The following MECOM variants were observed in gnomAD, a reference collection of about 807,000 sequenced individuals.
MECOM encodes MDS1 and EVI1 complex locus.
In MECOM, 13 loss-of-function variants were observed where a neutral mutation model predicts 116.3. The observed-to-expected ratio is 0.11, with a 90% CI of 0.07 to 0.18. The LOEUF is 0.18. Among genes scored for constraint, MECOM ranks in the 10% least tolerant of loss-of-function variants. The probability of loss-of-function intolerance (pLI) is 1.00; values close to 1 mark genes in which losing one functional copy is unlikely to be tolerated. For synonymous variants in MECOM, 528 were observed against 535.2 expected, an observed-to-expected ratio of 0.99 and a Z score of 0.19; for missense variants, 1,299 against 1,509.0, an observed-to-expected ratio of 0.86 and a Z score of 2.31.
At chr3:169,616,536 T>G (rs1274674674) in intron 1 of MECOM, among the ~76,000 whole-genome samples, 1 of 152,124 alleles carries the variant, frequency 6.6e-6, no homozygotes, top group African/African-American at 2.4e-5. Context: ...TTAGTAGAGA[T>G]GCCATGTTGG....
At chr3:169,302,630 C>T (rs1450516794) in intron 2 of MECOM, among the ~76,000 whole-genome samples, 1 of 151,922 alleles carries the variant, frequency 6.6e-6, no homozygotes, top group East Asian at 1.9e-4. Context: ...TTTGGGAGGC[C>T]GAGGCCGGTG....
intron 1 of MECOM, among the ~76,000 whole-genome samples, chr3:169,584,805 T>C (rs932828314): frequency 1.3e-5 from 2 of 152,120 alleles, no homozygotes; most frequent in Non-Finnish European, 2.9e-5. Context: ...TATAAAGTGG[T>C]CCACGCTGCC....
rs531815350 is a variant in MECOM, at chr3:169,209,657, T to C, written c.376-65825A>G. 4.6e-5 allele frequency among the ~76,000 whole-genome samples: 7 copies of C among 152,172 alleles called. No individual in the cohort carries two copies. In the South Asian group the frequency reaches 1.2e-3, roughly 27 times the overall value. On this transcript the variant is annotated intron_variant, in intron 2 of 16. Transcript: ENST00000651503. ...TTCAAATCAAAACCACAATGAGATA[T>C]TGTCTCCCGCCAGTCAGAATGGCAA...
chr3:169,367,849 T>A (rs1729448600), intron 2 of MECOM, among the ~76,000 whole-genome samples: 1 of 152,060 alleles, frequency 6.6e-6, no homozygotes, highest in South Asian at 2.1e-4. Context: ...TTCCTAGGCA[T>A]GTATATTCCT....
intron 1 of MECOM, among the ~76,000 whole-genome samples, chr3:169,433,666 AAAGAAAG>A (rs1156746172): frequency 8.3e-4 from 119 of 142,898 alleles, no homozygotes; most frequent in African/African-American, 2.9e-3. Context: ...AGAAAGAAAG[AAAGAAAG>A]AAAGAAAGAA....
intron 2 of MECOM, among the ~76,000 whole-genome samples, chr3:169,161,729 G>T (rs1742870524): frequency 1.3e-5 from 2 of 152,252 alleles, no homozygotes; most frequent in South Asian, 4.1e-4. Context: ...TAAACAGAAT[G>T]AGGAGAAAGG....
intron 2 of MECOM, among the ~76,000 whole-genome samples, chr3:169,266,018 C>T (rs1758254389): frequency 6.6e-6 from 1 of 152,108 alleles, no homozygotes; most frequent in Non-Finnish European, 1.5e-5. Flanking sequence ...TGAATCCTGT[C>T]AAGAACAAAA....
intron 1 of MECOM, among the ~76,000 whole-genome samples, chr3:169,486,778 G>C (rs1489028571): frequency 6.6e-6 from 1 of 151,994 alleles, no homozygotes; most frequent in Non-Finnish European, 1.5e-5. Flanking sequence ...CTAAATGTAG[G>C]CTCTACAAGA....
chr3:169,470,742 A>C (rs968599544), intron 1 of MECOM, among the ~76,000 whole-genome samples: 20 of 152,188 alleles, frequency 1.3e-4, no homozygotes, highest in Admixed American at 6.5e-4. Flanking sequence ...CCAGAGTATA[A>C]GTTATGAGGA....
chr3:169,488,994 T>C (rs961705594), intron 1 of MECOM, among the ~76,000 whole-genome samples: 1 of 152,088 alleles, frequency 6.6e-6, no homozygotes, highest in East Asian at 1.9e-4. Context: ...AATTTTGGCA[T>C]CTGAATTAAT....
intron 1 of MECOM, among the ~76,000 whole-genome samples, chr3:169,644,279 C>T (rs1468596413): frequency 6.7e-6 from 1 of 149,758 alleles, no homozygotes; most frequent in Non-Finnish European, 1.5e-5. Flanking sequence ...TTTATTGAGA[C>T]AGGGTCTCAC....
chr3:169,099,721 A>G (rs1378832988), intron 12 of MECOM, among the ~76,000 whole-genome samples: 1 of 152,198 alleles, frequency 6.6e-6, no homozygotes, highest in African/African-American at 2.4e-5. Flanking sequence ...ATTTCAAAGG[A>G]GAATGACATT....
chr3:169,154,216 A>G (rs936930481), intron 2 of MECOM, among the ~76,000 whole-genome samples: 5 of 152,074 alleles, frequency 3.3e-5, no homozygotes, highest in Non-Finnish European at 7.4e-5. Context: ...AGCCCTAAAA[A>G]CGAGGGTAGG....
rs533458308 is a variant in MECOM, at chr3:169,460,347, G to T, written c.38-78823C>A. Among the ~76,000 whole-genome samples the T allele has an allele frequency of 2.0e-5, 3 of 152,060 alleles. No homozygotes were observed. In the East Asian group the frequency reaches 5.8e-4, roughly 29 times the overall value. On this transcript the variant is annotated intron_variant, in intron 1 of 16. Transcript: ENST00000651503. ...TGTGAATTCTTAAAAAGTCAGTTTGGATTGCTGCCTAACTTACAGAACATT... is the reference window on the plus strand; with the variant it reads ...TGTGAATTCTTAAAAAGTCAGTTTGTATTGCTGCCTAACTTACAGAACATT...
intron 2 of MECOM, among the ~76,000 whole-genome samples, chr3:169,191,728 G>GAA (rs1356109784): frequency 2.9e-5 from 1 of 34,106 alleles, no homozygotes; most frequent in Non-Finnish European, 8.3e-5. Flanking sequence ...AAAAAAGAAA[G>GAA]AAAGAAAGAA....
chr3:169,388,181 T>G (rs531504214), intron 1 of MECOM, among the ~76,000 whole-genome samples: 144 of 152,256 alleles, frequency 9.5e-4, no homozygotes, highest in African/African-American at 3.4e-3. Flanking sequence ...GTCCATGAGC[T>G]GATGCCTGCT....
At position 169,147,560 on chromosome 3, in the gene MECOM, C is replaced by T. The variant is rs1054042284; in HGVS notation, c.376-3728G>A. 1.8e-5 allele frequency: 18 copies of T among 985,300 alleles called. No individual in the cohort carries two copies. In the African/African-American group the frequency reaches 3.0e-4, roughly 16 times the overall value. 61.0% of individuals were successfully genotyped at this position (985,300 alleles called of 1,614,324 possible). A position where few individuals can be genotyped will look rare whatever the true frequency, so the allele number is the denominator to read the frequency against. On this transcript the variant is annotated intron_variant, in intron 2 of 16. Transcript: ENST00000651503. ...AGAGGTCACAAAAAGGTCGCCAAGACCCAAGTCCTATAGGGACAGACTGAT... is the reference window on the plus strand; with the variant it reads ...AGAGGTCACAAAAAGGTCGCCAAGATCCAAGTCCTATAGGGACAGACTGAT...
intron 2 of MECOM, among the ~76,000 whole-genome samples, chr3:169,259,426 T>C (rs1757262814): frequency 6.6e-6 from 1 of 152,202 alleles, no homozygotes; most frequent in Non-Finnish European, 1.5e-5. Context: ...ACTTTATTTC[T>C]TCTGGCCAAA....
intron 1 of MECOM, among the ~76,000 whole-genome samples, chr3:169,397,155 C>T (rs999799447): frequency 1.6e-4 from 25 of 152,232 alleles, no homozygotes; most frequent in African/African-American, 5.8e-4. Context: ...AATTCATTCT[C>T]CACCACTCCC....
Sources: gnomAD v4.1 joint callset for allele counts (sites outside exome capture counted in the v4.1 genomes callset) on GRCh38, gnomAD v4.1.1 for gene constraint, MANE v1.5 for transcripts, NCBI Gene and HGNC (gene_info 2026-07-23, HGNC 2026-07-21) for gene names.